The following ABHD18 variants were observed in gnomAD, a reference collection of about 807,000 sequenced individuals.
ABHD18 encodes abhydrolase domain containing 18.
A neutral mutation model predicts 65.9 loss-of-function variants in ABHD18; 55 were observed. That is an observed-to-expected ratio of 0.84 (90% confidence interval 0.67 to 1.05). The LOEUF (loss-of-function observed/expected upper bound fraction) is 1.05. Among genes scored for constraint, ABHD18 ranks in the 50% least tolerant of loss-of-function variants. ABHD18 has a pLI of 0.00. For missense variants in ABHD18, 533 were observed against 558.5 expected (o/e 0.95, Z 0.46); for synonymous variants, 181 against 180.2 (o/e 1.00, Z -0.04).
chr4:127,977,211 G>A lies in ABHD18; in HGVS notation c.-17-5728G>A, dbSNP rs111598571. 6.2e-3 allele frequency among the ~76,000 whole-genome samples: 944 copies of A among 152,146 alleles called. 18 individuals carry two copies. The highest frequency in any genetic ancestry group is 0.021 in the African/African-American group (886 of 41,522). On this transcript the variant is annotated intron_variant, in intron 1 of 12. Coordinates refer to ENST00000645843, the MANE Select transcript of ABHD18 (RefSeq NM_001358451.3). ...AAACAAGCTGGGCGTGGTGGCTCAC[G>A]CCTGTAATCCCAGCCCTTTGGGAGG...
intron 4 of ABHD18, among the ~76,000 whole-genome samples, chr4:128,004,900 A>C (rs929570092): frequency 6.8e-6 from 1 of 146,388 alleles, no homozygotes; most frequent in Non-Finnish European, 1.5e-5. Flanking sequence ...ACAGAATGAG[A>C]CTCCGTCTCA....
At position 127,996,916 on chromosome 4, in the gene ABHD18, G is replaced by A. The variant is rs147558270; in HGVS notation, c.278+7095G>A. Among the ~76,000 whole-genome samples, 1,160 of 152,232 alleles carry A rather than the reference G, an allele frequency of 7.6e-3. 11 individuals are homozygous for A. Among genetic ancestry groups the A allele is most frequent in the Non-Finnish European group, 9.3e-3 (630 of 68,014 alleles). On this transcript the variant is annotated intron_variant, in intron 4 of 12. Transcript: ENST00000645843. Reference sequence around the variant, plus strand: ...TATCTTCCCTTGTTCCCTGAAAATCGCTGTTGTTCTGTTCTTTTTCAGGGT... The same window carrying A: ...TATCTTCCCTTGTTCCCTGAAAATCACTGTTGTTCTGTTCTTTTTCAGGGT...
Position 127,984,341 on chromosome 4 carries a change from T to C in ABHD18, c.95T>C (p.Leu32Pro). 1 of 1,547,136 alleles carries C rather than the reference T, an allele frequency of 6.5e-7. No individual in the cohort carries two copies. Among genetic ancestry groups the C allele is most frequent in the Non-Finnish European group, 8.7e-7 (1 of 1,143,188 alleles). Residue 32 changes from leucine to proline, a missense_variant and splice_region_variant, in exon 3 of 13, where the codon CTC (leucine) becomes CCC (proline). Around this residue, in one of 3 missense-constraint regions of ABHD18, gnomAD observed 309 missense variants for 313.5 expected, o/e 0.99. Coordinates refer to ENST00000645843, the MANE Select transcript of ABHD18 (RefSeq NM_001358451.3). Reference sequence around the variant, plus strand: ...TTTTGTCTTCTTTCCCATAATAGACTCTTTGAATTCAGAAAGATGATTGGA... The same window carrying C: ...TTTTGTCTTCTTTCCCATAATAGACCCTTTGAATTCAGAAAGATGATTGGA... ...GWGRPEDLKR[L>P]FEFRKMIGNR... is the part of the protein sequence containing the mutation.
At position 128,037,853 on chromosome 4, in the gene ABHD18, A is replaced by G. The variant is rs1447542696; in HGVS notation, c.*2040A>G. ...ATTAACTCTCTTAAATGGGGTTTAT[A>G]TGGCTCGATTTGGTGCTTTCTTTTT... On this transcript the variant is annotated 3_prime_UTR_variant, in exon 13 of 13. Coordinates refer to ENST00000645843, the MANE Select transcript of ABHD18 (RefSeq NM_001358451.3). 6.8e-6 allele frequency: 1 copy of G among 146,204 alleles called. No homozygotes were observed. Among genetic ancestry groups the G allele is most frequent in the Non-Finnish European group, 1.5e-5 (1 of 66,814 alleles). The allele number at this position is 146,204 out of a possible 1,614,324, so 9.1% of individuals were successfully genotyped here.
intron 3 of ABHD18, among the ~76,000 whole-genome samples, chr4:127,986,675 C>T (rs1446296817): frequency 6.6e-6 from 1 of 151,716 alleles, no homozygotes; most frequent in Non-Finnish European, 1.5e-5. Context: ...TTTTATATTC[C>T]CACCAGCAGT....
chr4:127,983,362 G>C (rs1455356084), intron 2 of ABHD18, among the ~76,000 whole-genome samples: 1 of 152,190 alleles, frequency 6.6e-6, no homozygotes, highest in Non-Finnish European at 1.5e-5. Flanking sequence ...CAAGGATTGA[G>C]TCTTCTTAGA....
chr4:128,017,536 G>T, intron 8 of ABHD18, 35 bp downstream of exon 8: 1 of 1,538,910 alleles, frequency 6.5e-7, no homozygotes, highest in African/African-American at 1.4e-5. Context: ...ATTTAATTAT[G>T]TTTATGTTTG....
intron 7 of ABHD18, among the ~76,000 whole-genome samples, chr4:128,015,711 A>G (rs1380587168): frequency 6.6e-6 from 1 of 152,140 alleles, no homozygotes; most frequent in Non-Finnish European, 1.5e-5. Flanking sequence ...CACACTTGGC[A>G]TTCCTTCTGG....
At position 128,030,633 on chromosome 4, in the gene ABHD18, G is replaced by T; in HGVS notation, c.1304G>T (p.Gly435Val). ...TGTGAAATCCGATACTTAGAAGGGGGTCATATTAGTGCTTATCTTTTTAAA... is the reference window on the plus strand; with the variant it reads ...TGTGAAATCCGATACTTAGAAGGGGTTCATATTAGTGCTTATCTTTTTAAA... ...PGCEIRYLEG[G>V]HISAYLFKQG... Residue 435 changes from glycine (G) to valine (V), a missense_variant, in exon 12 of 13, where the codon GGT becomes GTT. Transcript: ENST00000645843. The T allele has an allele frequency of 1.2e-6, 2 of 1,604,854 alleles. No individual in the cohort carries two copies. The highest frequency in any genetic ancestry group is 8.5e-7 in the Non-Finnish European group (1 of 1,178,326).
At chr4:127,989,666 C>T in intron 3 of ABHD18, 55 bp from the exon 4 acceptor site, 1 of 1,213,960 alleles carries the variant, frequency 8.2e-7, no homozygotes, top group Non-Finnish European at 1.1e-6. Flanking sequence ...ACATCCATGA[C>T]AGACCAAGAT....
intron 4 of ABHD18, among the ~76,000 whole-genome samples, chr4:127,990,149 T>G (rs572258721): frequency 6.6e-6 from 1 of 152,344 alleles, no homozygotes; most frequent in South Asian, 2.1e-4. Flanking sequence ...AAATGATTTT[T>G]TAGTTCCATT....
At chr4:128,001,552 A>G (rs946784260) in intron 4 of ABHD18, among the ~76,000 whole-genome samples, 1 of 152,148 alleles carries the variant, frequency 6.6e-6, no homozygotes, top group Non-Finnish European at 1.5e-5. Flanking sequence ...TACTTTTTTC[A>G]TTGAGGTTCT....
intron 6 of ABHD18, 37 bp downstream of exon 6, chr4:128,009,228 G>T: frequency 7.8e-7 from 1 of 1,275,938 alleles, no homozygotes. Context: ...CTTTTGCCTT[G>T]TTTATTTATT....
At chr4:127,980,953 A>T (rs1048439755) in intron 1 of ABHD18, among the ~76,000 whole-genome samples, 3 of 151,236 alleles carry the variant, frequency 2.0e-5, no homozygotes, top group Admixed American at 6.6e-5. Context: ...ACAGTATTTA[A>T]TTTTTTTTTC....
At chr4:128,032,880 C>T (rs534989910) in intron 12 of ABHD18, among the ~76,000 whole-genome samples, 1 of 152,162 alleles carries the variant, frequency 6.6e-6, no homozygotes, top group Non-Finnish European at 1.5e-5. Context: ...CGTATTGTAA[C>T]TTTTGGCACC....
At chr4:127,998,508 G>A (rs1579274169) in intron 4 of ABHD18, among the ~76,000 whole-genome samples, 1 of 151,410 alleles carries the variant, frequency 6.6e-6, no homozygotes, top group African/African-American at 2.4e-5. Flanking sequence ...CAAAGTGCTG[G>A]GATTACGGGC....
intron 9 of ABHD18, 146 bp downstream of exon 9, chr4:128,020,315 A>G: frequency 1.6e-6 from 1 of 618,166 alleles, no homozygotes; most frequent in Non-Finnish European, 2.9e-6. Context: ...ATTAAGCCTT[A>G]ACTACAGCAA....
intron 1 of ABHD18, among the ~76,000 whole-genome samples, chr4:127,971,069 C>CT (rs1377873403): frequency 6.8e-6 from 1 of 146,820 alleles, no homozygotes; most frequent in Non-Finnish European, 1.5e-5. Flanking sequence ...GAGCCAGACT[C>CT]TGTCTCAAAA....
chr4:128,008,827 A>G (rs954133579), intron 4 of ABHD18, 93 bp from the exon 5 acceptor site: 14 of 817,076 alleles, frequency 1.7e-5, no homozygotes, highest in Non-Finnish European at 2.5e-5. Flanking sequence ...TTTCTGTCAG[A>G]TAATTTAAAT....
Sources: allele counts gnomAD v4.1 joint callset (sites outside exome capture counted in the v4.1 genomes callset), GRCh38; gene constraint gnomAD v4.1.1; regional missense constraint gnomAD v4.1.1; transcripts MANE v1.5; gene names NCBI Gene and HGNC (gene_info 2026-07-23, HGNC 2026-07-21).